CADM2: variants seen among roughly 807,000 people sequenced by gnomAD.
CADM2 encodes the protein cell adhesion molecule 2, also known as immunoglobulin superfamily member 4D.
A neutral mutation model predicts 49.8 loss-of-function variants in CADM2; 12 were observed. The observed-to-expected ratio is 0.24, with a 90% CI of 0.15 to 0.39. CADM2 has a LOEUF of 0.39. CADM2 is among the 10% of genes least tolerant of loss of function. The pLI, the probability that CADM2 is intolerant of heterozygous loss-of-function variation, is 1.00. For synonymous variants in CADM2, 214 were observed against 175.4 expected, an observed-to-expected ratio of 1.22 and a Z score of -1.74; for missense variants, 378 against 492.3, an observed-to-expected ratio of 0.77 and a Z score of 2.20.
At chr3:85,768,416 A>G (rs1289972476) in intron 2 of CADM2, among the ~76,000 whole-genome samples, 1 of 151,724 alleles carries the variant, frequency 6.6e-6, no homozygotes, top group Non-Finnish European at 1.5e-5. Flanking sequence ...ATTGCACTCC[A>G]AACTGGGCTA....
At chr3:85,830,424 A>G (rs541096898) in intron 3 of CADM2, among the ~76,000 whole-genome samples, 5 of 152,012 alleles carry the variant, frequency 3.3e-5, no homozygotes, top group African/African-American at 1.2e-4. Flanking sequence ...ATGGATATTG[A>G]CCCTTTATCA....
chr3:85,568,296 T>G (rs2062329392), intron 1 of CADM2, among the ~76,000 whole-genome samples: 1 of 152,092 alleles, frequency 6.6e-6, no homozygotes, highest in Non-Finnish European at 1.5e-5. Flanking sequence ...TCTTACACAG[T>G]TTAGAGTGTA....
At chr3:85,740,913 A>G (rs1461774494) in intron 2 of CADM2, among the ~76,000 whole-genome samples, 1 of 152,124 alleles carries the variant, frequency 6.6e-6, no homozygotes, top group African/African-American at 2.4e-5. Context: ...TTGGTTCTAT[A>G]CTCACCTGAT....
chr3:85,567,835 G>C (rs1411837986), intron 1 of CADM2, among the ~76,000 whole-genome samples: 2 of 152,176 alleles, frequency 1.3e-5, no homozygotes, highest in African/African-American at 4.8e-5. Context: ...GTGAATCTCA[G>C]TCTGAGGTCA....
At chr3:85,353,084 G>C (rs1005129554) in intron 1 of CADM2, among the ~76,000 whole-genome samples, 9 of 152,078 alleles carry the variant, frequency 5.9e-5, no homozygotes, top group Admixed American at 5.9e-4. Context: ...TCTATTTTTA[G>C]AGATCTTCTA....
chr3:86,062,603 C>T (rs189380250), intron 8 of CADM2, among the ~76,000 whole-genome samples: 2 of 151,840 alleles, frequency 1.3e-5, no homozygotes, highest in Admixed American at 6.6e-5. Flanking sequence ...CATGGTGAAA[C>T]CCTGTCTCTA....
At chr3:85,367,499 T>G (rs2107304307) in intron 1 of CADM2, among the ~76,000 whole-genome samples, 1 of 151,870 alleles carries the variant, frequency 6.6e-6, no homozygotes, top group East Asian at 2.0e-4. Flanking sequence ...CCTTGAGTGG[T>G]GACCATGTGT....
intron 1 of CADM2, among the ~76,000 whole-genome samples, chr3:85,673,143 G>A (rs1335541323): frequency 6.6e-6 from 1 of 152,148 alleles, no homozygotes; most frequent in African/African-American, 2.4e-5. Flanking sequence ...GGGGACAAGT[G>A]TTCCACAAAC....
At chr3:85,332,594 CTTTTG>C (rs2044960234) in intron 1 of CADM2, among the ~76,000 whole-genome samples, 1 of 151,848 alleles carries the variant, frequency 6.6e-6, no homozygotes, top group Non-Finnish European at 1.5e-5. Flanking sequence ...TATATTTTCA[CTTTTG>C]TATTATGTAA....
intron 3 of CADM2, among the ~76,000 whole-genome samples, chr3:85,864,625 A>G (rs528746148): frequency 6.6e-6 from 1 of 152,190 alleles, no homozygotes; most frequent in Non-Finnish European, 1.5e-5. Context: ...CAACAAATTT[A>G]GTAATTCCAA....
chr3:85,767,345 A>G (rs2069711558), intron 2 of CADM2, among the ~76,000 whole-genome samples: 1 of 152,186 alleles, frequency 6.6e-6, no homozygotes, highest in South Asian at 2.1e-4. Flanking sequence ...ATGAAATGAT[A>G]AAGTGTGCTT....
At chr3:85,280,194 T>C (rs975479965) in intron 1 of CADM2, among the ~76,000 whole-genome samples, 1 of 151,772 alleles carries the variant, frequency 6.6e-6, no homozygotes, top group Admixed American at 6.6e-5. Flanking sequence ...ACATGTACTT[T>C]GTTATTGATG....
At chr3:85,315,327 G>T (rs1304208880) in intron 1 of CADM2, among the ~76,000 whole-genome samples, 2 of 152,090 alleles carry the variant, frequency 1.3e-5, no homozygotes, top group South Asian at 2.1e-4. Flanking sequence ...ACATCATCTT[G>T]ACGAATATAT....
At chr3:85,416,792 G>T (rs2107485974) in intron 1 of CADM2, among the ~76,000 whole-genome samples, 1 of 152,282 alleles carries the variant, frequency 6.6e-6, no homozygotes, top group East Asian at 1.9e-4. Flanking sequence ...ATATTAGGAA[G>T]AGGTATATGG....
rs1048654447 is a variant in CADM2 at position 84,959,292 on chromosome 3, CTGGGACTTGCTG to C, written c.-313_-302del. 1.6e-4 allele frequency: 77 copies of C among 495,526 alleles called. No homozygotes were observed. The East Asian group carries it at 2.2e-3, about 14-fold the overall frequency. 30.7% of individuals were successfully genotyped at this position (495,526 alleles called of 1,614,324 possible). ...CCTGCTCGGGCAGCCCCGGCGGGCT[CTGGGACTTGCTG>C]TGCGCGCCGAGAGGAAGGCAAGCTC... On this transcript the variant is annotated 5_prime_UTR_variant, in exon 1 of 10. Transcript: ENST00000383699.
At chr3:85,319,711 T>C (rs1011875586) in intron 1 of CADM2, among the ~76,000 whole-genome samples, 1 of 152,170 alleles carries the variant, frequency 6.6e-6, no homozygotes, top group Non-Finnish European at 1.5e-5. Context: ...AAGTACCATA[T>C]GTTCTCACAA....
intron 1 of CADM2, among the ~76,000 whole-genome samples, chr3:85,567,442 G>A (rs780006999): frequency 3.3e-5 from 5 of 152,108 alleles, no homozygotes; most frequent in South Asian, 2.1e-4. Context: ...TAGAGCACAG[G>A]CAATAAAATT....
At chr3:85,132,945 C>T (rs2039281934) in intron 1 of CADM2, among the ~76,000 whole-genome samples, 1 of 152,074 alleles carries the variant, frequency 6.6e-6, no homozygotes, top group African/African-American at 2.4e-5. Context: ...GAGTTTGTTC[C>T]TTCTGATATT....
intron 2 of CADM2, among the ~76,000 whole-genome samples, chr3:85,789,165 G>T (rs1219195407): frequency 6.6e-6 from 1 of 152,098 alleles, no homozygotes; most frequent in East Asian, 1.9e-4. Context: ...CTCTCCAGAA[G>T]AGTCCTACCA....
Sources: gnomAD v4.1 joint callset for allele counts (sites outside exome capture counted in the v4.1 genomes callset) on GRCh38, gnomAD v4.1.1 for gene constraint, MANE v1.5 for transcripts, NCBI Gene and HGNC (gene_info 2026-07-23, HGNC 2026-07-21) for gene names.